COL22A1: variants seen among roughly 807,000 people sequenced by gnomAD.
COL22A1 encodes the protein collagen alpha-1(XXII) chain.
Under a neutral mutation model 248.9 loss-of-function variants are expected in COL22A1, and 221 were observed. The ratio of observed to expected loss-of-function variants is 0.89; its 90% CI spans 0.80 to 0.99. COL22A1 has a LOEUF of 0.99. Ranked by LOEUF, COL22A1 falls within the 50% of genes least tolerant of loss-of-function variation. The pLI, the probability that COL22A1 is intolerant of heterozygous loss-of-function variation, is 0.00. For missense variants in COL22A1, 2,240 were observed against 2,179.0 expected (o/e 1.03, Z -0.56); for synonymous variants, 891 against 793.4 (o/e 1.12, Z -2.07).
chr8:138,759,533 T>G (rs1833276554), intron 18 of COL22A1, among the ~76,000 whole-genome samples: 1 of 152,170 alleles, frequency 6.6e-6, no homozygotes, highest in Non-Finnish European at 1.5e-5. Flanking sequence ...TCGTCACCCC[T>G]CCTATGCCAA....
intron 12 of COL22A1, among the ~76,000 whole-genome samples, chr8:138,796,081 T>C (rs1374285823): frequency 1.3e-5 from 2 of 152,198 alleles, no homozygotes; most frequent in Non-Finnish European, 2.9e-5. Flanking sequence ...TTGTTTCTTT[T>C]TTCTTTCATT....
chr8:138,802,038 G>C (rs1817041649), intron 11 of COL22A1, among the ~76,000 whole-genome samples: 1 of 152,188 alleles, frequency 6.6e-6, no homozygotes. Flanking sequence ...CACCAGGACA[G>C]GGACTGACTG....
rs374276643 is a variant in COL22A1 at position 138,623,844 on chromosome 8, C to T, written c.3718-59G>A. 1.0e-4 allele frequency: 151 copies of T among 1,500,968 alleles called. 2 individuals are homozygous for T. The South Asian group carries it at 1.3e-3, about 13-fold the overall frequency. The allele number at this position is 1,500,968 out of a possible 1,614,324, so 93.0% of individuals were successfully genotyped here. A position where few individuals can be genotyped will look rare whatever the true frequency, so the allele number is the denominator to read the frequency against. On this transcript the variant is annotated intron_variant, in intron 51 of 64. Transcript: ENST00000303045. ...AAGAAGATTCGAGGGGATGGAAAGACGAAGGCAGTTTCAGCATGTCTTCCT... is the reference window on the plus strand; with the variant it reads ...AAGAAGATTCGAGGGGATGGAAAGATGAAGGCAGTTTCAGCATGTCTTCCT...
chr8:138,754,874 C>T (rs1323475148), intron 21 of COL22A1, among the ~76,000 whole-genome samples: 1 of 152,192 alleles, frequency 6.6e-6, no homozygotes, highest in Non-Finnish European at 1.5e-5. Context: ...CCCCAGAAAC[C>T]CCCATCATGG....
At chr8:138,913,074 G>C (rs571043971) in intron 1 of COL22A1, among the ~76,000 whole-genome samples, 13 of 75,104 alleles carry the variant, frequency 1.7e-4, no homozygotes, top group Admixed American at 1.5e-3. Context: ...GGCTGGGAGA[G>C]GGGGGATAAA....
chr8:138,887,841 G>T, intron 1 of COL22A1, among the ~76,000 whole-genome samples: 1 of 152,132 alleles, frequency 6.6e-6, no homozygotes, highest in South Asian at 2.1e-4. Flanking sequence ...AATGTCCACT[G>T]CCTCCAGCAG....
At chr8:138,665,002 C>T (rs948179867) in intron 41 of COL22A1, among the ~76,000 whole-genome samples, 1 of 152,108 alleles carries the variant, frequency 6.6e-6, no homozygotes, top group Admixed American at 6.5e-5. Context: ...TAAGGCATTC[C>T]CGAGAGAGCA....
chr8:138,666,976 T>C (rs760684007), intron 41 of COL22A1, among the ~76,000 whole-genome samples: 1 of 152,212 alleles, frequency 6.6e-6, no homozygotes, highest in Non-Finnish European at 1.5e-5. Flanking sequence ...ATCTAGAGTA[T>C]CACCTTGCCT....
chr8:138,761,156 A>G (rs1833457894), intron 17 of COL22A1, among the ~76,000 whole-genome samples: 1 of 152,094 alleles, frequency 6.6e-6, no homozygotes, highest in Non-Finnish European at 1.5e-5. Context: ...GCCAGCCCAC[A>G]CCACCAGCAC....
At chr8:138,669,380 T>C (rs551913822) in intron 41 of COL22A1, among the ~76,000 whole-genome samples, 1 of 152,256 alleles carries the variant, frequency 6.6e-6, no homozygotes, top group East Asian at 1.9e-4. Flanking sequence ...GTCAGGGCAG[T>C]GTCTGGCCTT....
intron 41 of COL22A1, among the ~76,000 whole-genome samples, chr8:138,673,918 C>G (rs746199565): frequency 2.0e-5 from 3 of 152,130 alleles, no homozygotes; most frequent in African/African-American, 7.2e-5. Context: ...GGAGGTGGTA[C>G]AGAAACTCCC....
chr8:138,877,095 C>T (rs549295249), intron 3 of COL22A1, among the ~76,000 whole-genome samples: 1 of 152,330 alleles, frequency 6.6e-6, no homozygotes, highest in Non-Finnish European at 1.5e-5. Context: ...TGGGGGCCAT[C>T]AGCCCTCTGC....
chr8:138,622,741 C>G (rs1444002131), intron 52 of COL22A1, among the ~76,000 whole-genome samples: 1 of 152,068 alleles, frequency 6.6e-6, no homozygotes, highest in African/African-American at 2.4e-5. Flanking sequence ...TTACTCTTTG[C>G]TTTTCTACTT....
Position 138,722,063 on chromosome 8 carries a change from A to C in COL22A1, c.2274T>G (p.Asn758Lys). The change falls in exon 26 of 65, where the codon AAT (asparagine) becomes AAG (lysine). Residue 758 changes from asparagine (N) to lysine (K), a missense_variant. Physicochemically the swap from Asn to Lys is moderately conservative, Grantham distance 94. Transcript: ENST00000303045. ...TGGTTCCTGGCGGACCTGGTGGTCC[A>C]TTTGGCCCGTCCTTTCCAGGGGGTC... is the stretch of plus-strand genomic sequence containing the variant. ...PTGPPGKDGPNGPPGPPGTKG... is the reference protein window; with the variant it reads ...PTGPPGKDGPKGPPGPPGTKG... 1.3e-6 allele frequency: 2 copies of C among 1,583,128 alleles called. No homozygotes were observed. Among genetic ancestry groups the C allele is most frequent in the Non-Finnish European group, 1.7e-6 (2 of 1,162,678 alleles).
At chr8:138,875,180 G>A (rs1220212704) in intron 3 of COL22A1, among the ~76,000 whole-genome samples, 1 of 152,164 alleles carries the variant, frequency 6.6e-6, no homozygotes, top group Non-Finnish European at 1.5e-5. Flanking sequence ...CCTTTCCATT[G>A]AAAGTGATAA....
chr8:138,718,492 G>A (rs1160131985), intron 27 of COL22A1, among the ~76,000 whole-genome samples: 5 of 152,298 alleles, frequency 3.3e-5, no homozygotes, highest in South Asian at 2.1e-4. Flanking sequence ...GAGGTGAAAC[G>A]GTATCTTCTT....
chr8:138,602,066 T>G (rs775222465), intron 60 of COL22A1, 49 bp downstream of exon 60: 5 of 1,607,974 alleles, frequency 3.1e-6, no homozygotes, highest in Non-Finnish European at 2.6e-6. Flanking sequence ...GTGGCCACTG[T>G]GCAAAGGTCG....
intron 9 of COL22A1, among the ~76,000 whole-genome samples, chr8:138,809,693 G>A (rs1818044332): frequency 6.6e-6 from 1 of 151,750 alleles, no homozygotes; most frequent in African/African-American, 2.4e-5. Flanking sequence ...GCTAATTTTT[G>A]TATTTTAGTA....
At chr8:138,680,026 A>G (rs1427643588) in intron 39 of COL22A1, among the ~76,000 whole-genome samples, 1 of 152,220 alleles carries the variant, frequency 6.6e-6, no homozygotes, top group Admixed American at 6.5e-5. Flanking sequence ...TTTACGGTCC[A>G]CTGTGATGCT....
Sources: allele counts gnomAD v4.1 joint callset (sites outside exome capture counted in the v4.1 genomes callset), GRCh38; gene constraint gnomAD v4.1.1; transcripts MANE v1.5; gene names NCBI Gene and HGNC (gene_info 2026-07-23, HGNC 2026-07-21).